The following AKAP13 variants were observed in gnomAD, a reference collection of about 807,000 sequenced individuals.
AKAP13 encodes the protein A-kinase anchoring protein 13, also known as A-kinase anchor protein 13.
AKAP13 carries 80 observed loss-of-function variants against 264.5 expected under a neutral mutation model. That is an observed-to-expected ratio of 0.30 (90% CI 0.25 to 0.36). AKAP13 has a LOEUF of 0.36. AKAP13 is among the 10% of genes least tolerant of loss of function. The probability of loss-of-function intolerance (pLI) is 1.00; values close to 1 mark genes in which losing one functional copy is unlikely to be tolerated. For missense variants in AKAP13, 3,712 were observed against 3,435.2 expected, an observed-to-expected ratio of 1.08 and a Z score of -2.01; for synonymous variants, 1,380 against 1,250.2, an observed-to-expected ratio of 1.10 and a Z score of -2.19.
At chr15:85,699,204 G>T (rs780298698) in intron 17 of AKAP13, among the ~76,000 whole-genome samples, 2 of 152,074 alleles carry the variant, frequency 1.3e-5, no homozygotes, top group Non-Finnish European at 2.9e-5. Context: ...TGCACTTTGG[G>T]AGGCTGAGAC....
intron 2 of AKAP13, among the ~76,000 whole-genome samples, chr15:85,516,359 A>G (rs2076599014): frequency 6.6e-6 from 1 of 152,204 alleles, no homozygotes; most frequent in South Asian, 2.1e-4. Flanking sequence ...AAACAGATGT[A>G]AAGTGATATA....
chr15:85,613,691 A>AAAAAAAATATAT (rs1313187436), intron 8 of AKAP13, among the ~76,000 whole-genome samples: 3 of 91,968 alleles, frequency 3.3e-5, no homozygotes, highest in Non-Finnish European at 6.7e-5. Flanking sequence ...AAAAAAAAAA[A>AAAAAAAATATAT]ATATATATAT....
intron 5 of AKAP13, among the ~76,000 whole-genome samples, chr15:85,553,694 G>A (rs943948289): frequency 2.6e-5 from 4 of 152,134 alleles, no homozygotes; most frequent in African/African-American, 4.8e-5. Context: ...GGTCCCCACC[G>A]CCTAGGCTAC....
intron 1 of AKAP13, among the ~76,000 whole-genome samples, chr15:85,387,628 T>G (rs1322813396): frequency 6.6e-6 from 1 of 152,006 alleles, no homozygotes; most frequent in East Asian, 1.9e-4. Flanking sequence ...CCCAGCCTGC[T>G]GTGGTTTTTG....
Position 85,581,850 on chromosome 15 carries a change from A to T in AKAP13, c.3782A>T (p.Glu1261Val), listed in dbSNP as rs200595324. ...AGCCGTATAGTGGATGCTGTCATCG[A>T]ACAAGTCAAGGCCGCTGGAGCACTG... ...AASRIVDAVI[E>V]QVKAAGALLT... is the part of the protein sequence containing the mutation. The change falls in exon 7 of 37, where the codon GAA (glutamate) becomes GTA (valine). Residue 1261 changes from glutamate to valine, a missense_variant. This residue lies in a region of AKAP13 where 2,759 missense variants were observed against 2,411.7 expected (regional missense o/e 1.14). Coordinates refer to ENST00000394518, the MANE Select transcript of AKAP13 (RefSeq NM_007200.5). 1.5e-5 allele frequency: 25 copies of T among 1,614,210 alleles called. 1 individual carries two copies. The African/African-American group carries it at 2.5e-4, about 16-fold the overall frequency.
intron 1 of AKAP13, among the ~76,000 whole-genome samples, chr15:85,458,002 T>G (rs2074341254): frequency 6.6e-6 from 1 of 151,956 alleles, no homozygotes; most frequent in African/African-American, 2.4e-5. Flanking sequence ...TAGCTGGGTG[T>G]GGTGGCGCCC....
chr15:85,661,403 C>T (rs2083339378), intron 12 of AKAP13, among the ~76,000 whole-genome samples: 4 of 152,072 alleles, frequency 2.6e-5, no homozygotes, highest in African/African-American at 9.7e-5. Flanking sequence ...TAACTCAGTG[C>T]CATAGAATTC....
At chr15:85,538,118 G>C (rs148870077) in intron 4 of AKAP13, among the ~76,000 whole-genome samples, 12 of 152,230 alleles carry the variant, frequency 7.9e-5, no homozygotes, top group Admixed American at 2.6e-4. Flanking sequence ...GGTAAGCTAG[G>C]GGGGTGTTTT....
At chr15:85,497,321 A>G (rs2075899071) in intron 2 of AKAP13, among the ~76,000 whole-genome samples, 1 of 152,254 alleles carries the variant, frequency 6.6e-6, no homozygotes. Context: ...AGTGCAAGGA[A>G]TACCTGTTGG....
At chr15:85,734,811 C>G (rs1280353072) in intron 30 of AKAP13, among the ~76,000 whole-genome samples, 181 bp from the exon 31 acceptor site, 2 of 152,202 alleles carry the variant, frequency 1.3e-5, no homozygotes, top group African/African-American at 4.8e-5. Context: ...CTCTAAATTT[C>G]TAGTAGAATC....
chr15:85,511,633 A>G (rs922055263), intron 2 of AKAP13, among the ~76,000 whole-genome samples: 2 of 151,862 alleles, frequency 1.3e-5, no homozygotes, highest in African/African-American at 4.8e-5. Flanking sequence ...TCAAATTATT[A>G]TTATTGTTAA....
chr15:85,685,097 A>G (rs2084817949), intron 16 of AKAP13: 2 of 470,156 alleles, frequency 4.3e-6, no homozygotes, highest in Non-Finnish European at 7.3e-6. Flanking sequence ...CTTTCCATAT[A>G]TTATTTAACC....
intron 8 of AKAP13, among the ~76,000 whole-genome samples, chr15:85,622,887 A>G (rs2081257127): frequency 6.6e-6 from 1 of 152,194 alleles, no homozygotes; most frequent in South Asian, 2.1e-4. Flanking sequence ...TTTTATTGAT[A>G]TAAGCGTATG....
intron 2 of AKAP13, among the ~76,000 whole-genome samples, chr15:85,511,405 A>G (rs1327184728): frequency 6.6e-6 from 1 of 152,078 alleles, no homozygotes. Flanking sequence ...CCCTTTTTTG[A>G]CAGCTTGCCC....
intron 17 of AKAP13, among the ~76,000 whole-genome samples, chr15:85,703,939 G>A (rs1322915978): frequency 6.6e-6 from 1 of 151,542 alleles, no homozygotes; most frequent in Non-Finnish European, 1.5e-5. Context: ...TAAACAAGAA[G>A]TTTAAAGTTG....
chr15:85,539,359 C>CGAACT (rs2077509778), intron 4 of AKAP13, among the ~76,000 whole-genome samples: 1 of 151,800 alleles, frequency 6.6e-6, no homozygotes, highest in East Asian at 1.9e-4. Context: ...TCACAGTGGC[C>CGAACT]TGTTCTCCTT....
chr15:85,657,975 G>A (rs1034763400), intron 11 of AKAP13, among the ~76,000 whole-genome samples: 1 of 152,050 alleles, frequency 6.6e-6, no homozygotes, highest in African/African-American at 2.4e-5. Context: ...GGAAATTGAA[G>A]CTCAGAATAA....
chr15:85,427,451 A>G (rs952701667), intron 1 of AKAP13, among the ~76,000 whole-genome samples: 1 of 152,006 alleles, frequency 6.6e-6, no homozygotes, highest in African/African-American at 2.4e-5. Flanking sequence ...GAGCACTTTT[A>G]TGATGGGAGT....
intron 4 of AKAP13, chr15:85,534,581 T>G (rs539770441): frequency 1.3e-5 from 2 of 151,920 alleles, no homozygotes; most frequent in East Asian, 3.9e-4. Context: ...ATTACAGGCA[T>G]GTACCACCAT....
Sources: gnomAD v4.1 joint callset for allele counts (sites outside exome capture counted in the v4.1 genomes callset) on GRCh38, gnomAD v4.1.1 for gene constraint, gnomAD v4.1.1 regional missense constraint, MANE v1.5 for transcripts, NCBI Gene and HGNC (gene_info 2026-07-23, HGNC 2026-07-21) for gene names.